UNC45B: variants seen among roughly 807,000 people sequenced by gnomAD.
UNC45B encodes unc-45 myosin chaperone B.
In UNC45B, 78 loss-of-function variants were observed where a neutral mutation model predicts 98.7. That is an observed-to-expected ratio of 0.79 (90% confidence interval 0.66 to 0.95). The LOEUF is 0.95. Among genes scored for constraint, UNC45B ranks in the 40% least tolerant of loss-of-function variants. The pLI, the probability that UNC45B is intolerant of heterozygous loss-of-function variation, is 0.00. For synonymous variants in UNC45B, 462 were observed against 480.4 expected (o/e 0.96, Z 0.50); for missense variants, 1,225 against 1,184.9 (o/e 1.03, Z -0.50).
intron 16 of UNC45B, 42 bp from the exon 17 acceptor site, chr17:35,177,453 C>G: frequency 1.4e-6 from 2 of 1,464,320 alleles, no homozygotes; most frequent in Non-Finnish European, 1.9e-6. Context: ...ACTCAGGGAA[C>G]AAAGTCCTCA....
chr17:35,154,687 G>C lies in UNC45B; in HGVS notation c.585G>C (p.Leu195=). 6.2e-7 allele frequency: 1 copy of C among 1,612,070 alleles called. No homozygotes were observed. The highest frequency in any genetic ancestry group is 8.5e-7 in the Non-Finnish European group (1 of 1,179,588). ...TTCTGGACACTAAGAAGCCTGAGCT[G>C]GTGCTGGCTGCAGTGCGGACCCTGT... ...LQLLDTKKPE[L]VLAAVRTLSG... Residue 195 remains leucine, a synonymous_variant, in exon 6 of 20, where the codon CTG becomes CTC. Transcript: ENST00000394570.
chr17:35,149,917 C>G, intron 3 of UNC45B, 131 bp from the exon 4 acceptor site: 1 of 974,516 alleles, frequency 1.0e-6, no homozygotes. Context: ...CCAGAGAGTC[C>G]ACATGGATGG....
intron 17 of UNC45B, among the ~76,000 whole-genome samples, chr17:35,180,078 G>A (rs1286964091): frequency 6.6e-6 from 1 of 152,064 alleles, no homozygotes; most frequent in East Asian, 1.9e-4. Flanking sequence ...AAAAGTCTGG[G>A]GTAACAAGAT....
At position 35,155,457 on chromosome 17, in the gene UNC45B, G is replaced by T; in HGVS notation, c.801G>T (p.Leu267=). The part of the protein sequence containing the change: ...KREHRGKEEA[L]VLDTKKDLKQ... ...AGCATCGAGGGAAGGAGGAGGCCCT[G>T]GTTCTAGGTAGGAAACATTCTTCAG... The change falls in exon 7 of 20, where the codon CTG becomes CTT. Residue 267 remains leucine, a synonymous_variant. Coordinates refer to ENST00000394570, the MANE Select transcript of UNC45B (RefSeq NM_001267052.2). The T allele has an allele frequency of 6.2e-7, 1 of 1,614,100 alleles. No individual in the cohort carries two copies. Among genetic ancestry groups the T allele is most frequent in the Non-Finnish European group, 8.5e-7 (1 of 1,179,970 alleles).
intron 16 of UNC45B, 26 bp downstream of exon 16, chr17:35,177,156 G>A (rs2092240232): frequency 1.3e-6 from 2 of 1,594,868 alleles, no homozygotes; most frequent in East Asian, 4.5e-5. Context: ...GATGGGATAG[G>A]GCAATGGGAG....
intron 7 of UNC45B, 79 bp downstream of exon 7, chr17:35,155,543 T>C (rs898317948): frequency 2.1e-6 from 3 of 1,442,294 alleles, no homozygotes; most frequent in South Asian, 1.2e-5. Context: ...GGGAATTCCC[T>C]GTATGTGGGG....
Position 35,171,445 on chromosome 17 carries a change from C to A in UNC45B, c.1813C>A (p.Pro605Thr). ...CGCCAAGTTCTCCAAGCAGCATGTG[C>A]CCGAGGAACACCCCAAGGTAGGGTC... ...QLAKFSKQHVPEEHPKDKKDF... is the reference protein window; with the variant it reads ...QLAKFSKQHVTEEHPKDKKDF... Residue 605 changes from proline to threonine, a missense_variant, in exon 13 of 20, where the codon CCC becomes ACC. Transcript: ENST00000394570. 7 of 1,614,118 alleles carry A rather than the reference C, an allele frequency of 4.3e-6. No homozygotes were observed. The highest frequency in any genetic ancestry group is 5.1e-6 in the Non-Finnish European group (6 of 1,179,984).
chr17:35,153,118 T>C, intron 5 of UNC45B, 136 bp downstream of exon 5: 1 of 661,544 alleles, frequency 1.5e-6, no homozygotes, highest in Non-Finnish European at 2.6e-6. Context: ...GTTAAGCACA[T>C]TGGAACACAG....
chr17:35,155,224 C>G (rs1005384195), intron 6 of UNC45B, 72 bp from the exon 7 acceptor site: 3 of 1,557,216 alleles, frequency 1.9e-6, no homozygotes, highest in African/African-American at 2.7e-5. Context: ...GATTATCACA[C>G]CCTCTCTAAC....
At chr17:35,162,187 A>G (rs960061817) in intron 8 of UNC45B, among the ~76,000 whole-genome samples, 6 of 152,112 alleles carry the variant, frequency 3.9e-5, no homozygotes, top group East Asian at 1.9e-4. Flanking sequence ...GGGTCATGGG[A>G]ATCTCTGATT....
chr17:35,160,045 GT>G (rs1168299594), intron 8 of UNC45B, among the ~76,000 whole-genome samples: 2 of 152,212 alleles, frequency 1.3e-5, no homozygotes, highest in Non-Finnish European at 2.9e-5. Flanking sequence ...ACAGTCTGTG[GT>G]CTGAGCCTTT....
intron 8 of UNC45B, among the ~76,000 whole-genome samples, chr17:35,161,340 T>TA (rs1390984039): frequency 1.8e-4 from 28 of 152,098 alleles, no homozygotes; most frequent in African/African-American, 6.8e-4. Context: ...GGAGGCACGG[T>TA]AAGGGAGCTG....
chr17:35,163,016 C>A (rs1322445607), intron 8 of UNC45B, among the ~76,000 whole-genome samples: 1 of 152,166 alleles, frequency 6.6e-6, no homozygotes, highest in Admixed American at 6.5e-5. Flanking sequence ...GGATTGGGAG[C>A]GTGTCCTTGC....
rs151092169 is a variant in UNC45B, at chr17:35,154,775, C to T, written c.639+34C>T. 3,123 of 1,534,226 alleles carry T rather than the reference C, an allele frequency of 2.0e-3. 12 individuals are homozygous for T. Among genetic ancestry groups the T allele is most frequent in the Middle Eastern group, 0.019 (82 of 4,222 alleles). On this transcript the variant is annotated intron_variant, in intron 6 of 19. Transcript: ENST00000394570. ...CCGGCTGTGGGGCATGTGGAGCAGACGACTGCTGGTCCAAGGATCCGGAGG... is the reference window on the plus strand; with the variant it reads ...CCGGCTGTGGGGCATGTGGAGCAGATGACTGCTGGTCCAAGGATCCGGAGG...
At chr17:35,175,104 GAAAA>G (rs747821902) in intron 14 of UNC45B, among the ~76,000 whole-genome samples, 4 of 133,172 alleles carry the variant, frequency 3.0e-5, no homozygotes, top group East Asian at 2.3e-4. Context: ...AAAGAAAAAA[GAAAA>G]GAAAGAAAGG....
At chr17:35,149,086 T>C in intron 3 of UNC45B, 77 bp downstream of exon 3, 1 of 1,554,878 alleles carries the variant, frequency 6.4e-7, no homozygotes, top group Non-Finnish European at 8.9e-7. Context: ...AGTTACCATT[T>C]TGGGGGAAGA....
At chr17:35,180,726 G>A (rs1473572885) in intron 18 of UNC45B, 50 bp downstream of exon 18, 1 of 1,458,460 alleles carries the variant, frequency 6.9e-7, no homozygotes, top group African/African-American at 1.4e-5. Context: ...AGGCACGAGA[G>A]GCAGGCCAGG....
chr17:35,155,522 T>C, intron 7 of UNC45B, 58 bp downstream of exon 7: 2 of 1,558,976 alleles, frequency 1.3e-6, no homozygotes, highest in Non-Finnish European at 1.8e-6. Flanking sequence ...GGTCAGTTGC[T>C]ACCTCAGACT....
intron 14 of UNC45B, among the ~76,000 whole-genome samples, chr17:35,175,439 G>T (rs866031454): frequency 6.6e-6 from 1 of 152,154 alleles, no homozygotes; most frequent in Non-Finnish European, 1.5e-5. Context: ...AGCTGGTAAG[G>T]CCTCCTGGGG....
Sources: allele counts gnomAD v4.1 joint callset (sites outside exome capture counted in the v4.1 genomes callset), GRCh38; gene constraint gnomAD v4.1.1; transcripts MANE v1.5; gene names NCBI Gene and HGNC (gene_info 2026-07-23, HGNC 2026-07-21).